The following WDR11 variants were observed in gnomAD, a reference collection of about 807,000 sequenced individuals.
The protein encoded by WDR11 is WD repeat domain 11.
WDR11 carries 83 observed loss-of-function variants against 151.2 expected under a neutral mutation model. That is an observed-to-expected ratio of 0.55 (90% CI 0.46 to 0.66). WDR11 has a LOEUF of 0.66. Among genes scored for constraint, WDR11 ranks in the 30% least tolerant of loss-of-function variants. WDR11 has a pLI of 0.00. For synonymous variants in WDR11, 484 were observed against 533.1 expected, an observed-to-expected ratio of 0.91 and a Z score of 1.27; for missense variants, 1,301 against 1,480.9, an observed-to-expected ratio of 0.88 and a Z score of 1.99.
intron 25 of WDR11, 94 bp from the exon 26 acceptor site, chr10:120,905,225 G>T: frequency 8.2e-7 from 1 of 1,214,728 alleles, no homozygotes; most frequent in South Asian, 1.2e-5. Context: ...AAATGGGCAC[G>T]ACTAGATAAG....
At chr10:120,865,830 T>C (rs1322332200) in intron 7 of WDR11, 86 bp downstream of exon 7, 9 of 851,602 alleles carry the variant, frequency 1.1e-5, no homozygotes, top group Admixed American at 2.2e-5. Flanking sequence ...CCAAGGTATA[T>C]AGTTAATGAT....
intron 17 of WDR11, 74 bp downstream of exon 17, chr10:120,889,258 G>T: frequency 2.4e-6 from 3 of 1,235,612 alleles, no homozygotes; most frequent in South Asian, 1.2e-5. Context: ...GTTTTGTTGA[G>T]ATGGTGTCTT....
rs1421777263 is a variant in WDR11, at chr10:120,860,159, A to G, written c.403A>G (p.Ile135Val). The change falls in exon 4 of 29, where the codon ATC becomes GTC. Residue 135 changes from isoleucine (I) to valine (V), a missense_variant. Physicochemically the swap from Ile to Val is conservative, Grantham distance 29. Transcript: ENST00000263461. Reference protein sequence around the residue: ...QDASRDLLLAIHPPNYIVLWN... With the variant: ...QDASRDLLLAVHPPNYIVLWN... ...TGCTTCCCGCGATTTACTGCTTGCTATCCACCCGCCAAATTACATTGTGCT... is the reference window on the plus strand; with the variant it reads ...TGCTTCCCGCGATTTACTGCTTGCTGTCCACCCGCCAAATTACATTGTGCT... 8 of 1,614,000 alleles carry G rather than the reference A, an allele frequency of 5.0e-6. No individual in the cohort carries two copies. Among genetic ancestry groups the G allele is most frequent in the Non-Finnish European group, 5.9e-6 (7 of 1,180,018 alleles).
chr10:120,872,103 G>A (rs1846567219), intron 10 of WDR11, among the ~76,000 whole-genome samples: 1 of 152,184 alleles, frequency 6.6e-6, no homozygotes, highest in Non-Finnish European at 1.5e-5. Flanking sequence ...CTATTAACAT[G>A]TGATTTGTGG....
intron 19 of WDR11, among the ~76,000 whole-genome samples, chr10:120,896,622 C>G (rs530569513): frequency 6.6e-6 from 1 of 152,106 alleles, no homozygotes; most frequent in Non-Finnish European, 1.5e-5. Context: ...GACAGAATTG[C>G]TAAGGAATGT....
At chr10:120,887,024 T>C (rs559102562) in intron 16 of WDR11, among the ~76,000 whole-genome samples, 188 bp downstream of exon 16, 1 of 152,364 alleles carries the variant, frequency 6.6e-6, no homozygotes, top group East Asian at 1.9e-4. Context: ...TTTGATTAAA[T>C]GTTTACTGTG....
chr10:120,851,688 G>C (rs551841546), intron 1 of WDR11, 182 bp downstream of exon 1: 11 of 683,912 alleles, frequency 1.6e-5, no homozygotes, highest in Non-Finnish European at 2.7e-5. Flanking sequence ...TAATAGCCCC[G>C]TGTGGGAAAT....
chr10:120,889,670 A>G (rs906874575), intron 17 of WDR11: 4 of 550,672 alleles, frequency 7.3e-6, no homozygotes, highest in African/African-American at 1.9e-5. Context: ...CCTTGAGCCA[A>G]GCATTCTTAG....
intron 19 of WDR11, among the ~76,000 whole-genome samples, chr10:120,899,062 G>A (rs1847714895): frequency 6.6e-6 from 1 of 152,210 alleles, no homozygotes; most frequent in Non-Finnish European, 1.5e-5. Context: ...CCGATAGAGT[G>A]TAGGGTGGTC....
intron 14 of WDR11, 76 bp from the exon 15 acceptor site, chr10:120,885,738 G>T (rs1847193949): frequency 6.4e-7 from 1 of 1,569,608 alleles, no homozygotes; most frequent in Non-Finnish European, 8.7e-7. Flanking sequence ...AGTGGTGTGT[G>T]TGCCCAGCTC....
chr10:120,889,923 A>G lies in WDR11; in HGVS notation c.2257A>G (p.Arg753Gly). 6.2e-7 allele frequency: 1 copy of G among 1,613,998 alleles called. No individual in the cohort carries two copies. The highest frequency in any genetic ancestry group is 8.5e-7 in the Non-Finnish European group (1 of 1,179,862). Residue 753 changes from arginine to glycine, a missense_variant, in exon 18 of 29, where the codon AGG (arginine) becomes GGG (glycine). Arg to Gly is a moderately radical substitution (Grantham distance 125). This residue lies in a region of WDR11 where 589 missense variants were observed against 670.6 expected (regional missense o/e 0.88). Coordinates refer to ENST00000263461, the MANE Select transcript of WDR11 (RefSeq NM_018117.12). The part of the protein sequence containing the change: ...RGIPTHRSWV[R>G]KIRFAPGKGN... ...AATACCCACACACCGAAGTTGGGTG[A>G]GGAAGATTCGTTTTGCTCCTGGTAA...
intron 4 of WDR11, among the ~76,000 whole-genome samples, chr10:120,860,688 A>G (rs986119537): frequency 1.3e-5 from 2 of 152,188 alleles, no homozygotes; most frequent in Non-Finnish European, 2.9e-5. Flanking sequence ...CACGCCATTC[A>G]TTTTGAGTGC....
At position 120,858,742 on chromosome 10, in the gene WDR11, G is replaced by A. The variant is rs1846032559; in HGVS notation, c.298G>A (p.Val100Ile). The change falls in exon 3 of 29, where the codon GTA becomes ATA. Residue 100 changes from valine to isoleucine, a missense_variant. This residue lies in a region of WDR11 where 692 missense variants were observed against 762.5 expected (regional missense o/e 0.91). Coordinates refer to ENST00000263461, the MANE Select transcript of WDR11 (RefSeq NM_018117.12). Reference sequence around the variant, plus strand: ...CAATGGGAAGATCATCGTCTGGGATGTAGCAGCAGGAGTAGCTCAGTGTGA... The same window carrying A: ...CAATGGGAAGATCATCGTCTGGGATATAGCAGCAGGAGTAGCTCAGTGTGA... ...DVNGKIIVWD[V>I]AAGVAQCEIQ... is the part of the protein sequence containing the mutation. 6.2e-7 allele frequency: 1 copy of A among 1,614,208 alleles called. No homozygotes were observed. Among genetic ancestry groups the A allele is most frequent in the African/African-American group, 1.3e-5 (1 of 75,056 alleles).
intron 10 of WDR11, among the ~76,000 whole-genome samples, chr10:120,872,433 A>G (rs1846580373): frequency 6.6e-6 from 1 of 152,164 alleles, no homozygotes; most frequent in East Asian, 1.9e-4. Context: ...GATTTTGTCA[A>G]TTTCTTGGGG....
Position 120,909,468 on chromosome 10 carries a change from G to A in WDR11, c.*755G>A, listed in dbSNP as rs899894750. The A allele has an allele frequency of 6.6e-6, 1 of 152,610 alleles. No individual in the cohort carries two copies. Among genetic ancestry groups the A allele is most frequent in the Non-Finnish European group, 1.5e-5 (1 of 68,054 alleles). 9.5% of individuals were successfully genotyped at this position (152,610 alleles called of 1,614,324 possible). A position where few individuals can be genotyped will look rare whatever the true frequency, so the allele number is the denominator to read the frequency against. Reference sequence around the variant, plus strand: ...GATGTAACTATTATAAACTGTTGCTGAAAACATAAATGTCTGTAACTTACA... The same window carrying A: ...GATGTAACTATTATAAACTGTTGCTAAAAACATAAATGTCTGTAACTTACA... On this transcript the variant is annotated 3_prime_UTR_variant, in exon 29 of 29. Transcript: ENST00000263461.
chr10:120,869,174 G>A (rs910656990), intron 9 of WDR11, among the ~76,000 whole-genome samples: 1 of 142,078 alleles, frequency 7.0e-6, no homozygotes, highest in Non-Finnish European at 1.5e-5. Flanking sequence ...GCAGTGGCGC[G>A]ATCTCGGCTC....
chr10:120,906,058 C>T, intron 27 of WDR11, 37 bp downstream of exon 27: 9 of 1,612,562 alleles, frequency 5.6e-6, no homozygotes, highest in Non-Finnish European at 7.6e-6. Context: ...TCAGGCCTGC[C>T]CGTGAGCAGT....
At chr10:120,874,911 T>C (rs1325071693) in intron 11 of WDR11, among the ~76,000 whole-genome samples, 1 of 152,048 alleles carries the variant, frequency 6.6e-6, no homozygotes, top group Non-Finnish European at 1.5e-5. Flanking sequence ...ACCCGTCATC[T>C]AGGTTTTAAG....
At position 120,867,150 on chromosome 10, in the gene WDR11, T is replaced by C; in HGVS notation, c.1275T>C (p.Leu425=). The change falls in exon 9 of 29, where the codon CTT becomes CTC. Residue 425 remains leucine (L), a synonymous_variant. Transcript: ENST00000263461. ...VGVLQNKLPD[L]SLDNMIGQSA... is the part of the protein sequence containing the mutation. ...TGCTACAGAATAAACTCCCAGACCT[T>C]TCCTTAGATAACATGATTGGTAAGC... is the stretch of plus-strand genomic sequence containing the variant. The C allele has an allele frequency of 6.2e-7, 1 of 1,613,478 alleles. No individual in the cohort carries two copies. Among genetic ancestry groups the C allele is most frequent in the Non-Finnish European group, 8.5e-7 (1 of 1,179,556 alleles).
Sources: gnomAD v4.1 joint callset for allele counts (sites outside exome capture counted in the v4.1 genomes callset) on GRCh38, gnomAD v4.1.1 for gene constraint, gnomAD v4.1.1 regional missense constraint, MANE v1.5 for transcripts, NCBI Gene and HGNC (gene_info 2026-07-23, HGNC 2026-07-21) for gene names.